The following MACROD2 variants were observed in gnomAD, a reference collection of about 807,000 sequenced individuals.
MACROD2 encodes the protein mono-ADP ribosylhydrolase 2.
In MACROD2, 36 loss-of-function variants were observed where a neutral mutation model predicts 70.4. The observed-to-expected ratio is 0.51, with a 90% CI of 0.39 to 0.68. The LOEUF (loss-of-function observed/expected upper bound fraction) is 0.68. MACROD2 is among the 30% of genes least tolerant of loss of function. The pLI, the probability that MACROD2 is intolerant of heterozygous loss-of-function variation, is 0.00. For missense variants in MACROD2, 496 were observed against 538.4 expected (o/e 0.92, Z 0.78); for synonymous variants, 172 against 178.8 (o/e 0.96, Z 0.30).
At chr20:15,820,502 G>A (rs2063928107) in intron 8 of MACROD2, among the ~76,000 whole-genome samples, 1 of 152,136 alleles carries the variant, frequency 6.6e-6, no homozygotes, top group South Asian at 2.1e-4. Context: ...CCTTCTGCCA[G>A]TTTTTAGTAC....
chr20:14,604,379 T>C (rs573844829), intron 4 of MACROD2, among the ~76,000 whole-genome samples: 1 of 152,314 alleles, frequency 6.6e-6, no homozygotes, highest in Middle Eastern at 3.4e-3. Flanking sequence ...TCACTATTGA[T>C]TTTTTTGCTC....
intron 5 of MACROD2, among the ~76,000 whole-genome samples, chr20:15,081,189 T>TA (rs138058951): frequency 6.6e-6 from 1 of 152,094 alleles, no homozygotes; most frequent in Non-Finnish European, 1.5e-5. Flanking sequence ...AATTTTGTAA[T>TA]AAAAAAATTA....
intron 3 of MACROD2, among the ~76,000 whole-genome samples, chr20:14,394,447 G>C (rs566394096): frequency 7.2e-5 from 11 of 152,076 alleles, no homozygotes; most frequent in Non-Finnish European, 7.4e-5. Flanking sequence ...TTTAAATATT[G>C]CTCTCATAAA....
At chr20:15,896,950 A>T (rs925233660) in intron 10 of MACROD2, among the ~76,000 whole-genome samples, 1 of 152,188 alleles carries the variant, frequency 6.6e-6, no homozygotes, top group Non-Finnish European at 1.5e-5. Context: ...TTTGGAAAAA[A>T]GCCTGATTAG....
intron 8 of MACROD2, among the ~76,000 whole-genome samples, chr20:15,693,388 G>A (rs997527934): frequency 2.0e-5 from 3 of 152,116 alleles, no homozygotes; most frequent in African/African-American, 7.2e-5. Context: ...GTATTTTGCT[G>A]TTTGCTACCT....
intron 3 of MACROD2, among the ~76,000 whole-genome samples, chr20:14,485,558 G>A (rs1044598459): frequency 3.0e-4 from 45 of 151,784 alleles, no homozygotes; most frequent in Admixed American, 1.6e-3. Context: ...AAAATTAGCC[G>A]GGCGTGGTGG....
At chr20:15,506,756 A>C (rs1243807273) in intron 8 of MACROD2, among the ~76,000 whole-genome samples, 2 of 152,198 alleles carry the variant, frequency 1.3e-5, no homozygotes, top group Non-Finnish European at 2.9e-5. Flanking sequence ...TATTATTTAC[A>C]CTTATGCAAA....
At chr20:15,392,003 GTTGT>G (rs2045798904) in intron 6 of MACROD2, among the ~76,000 whole-genome samples, 2 of 152,104 alleles carry the variant, frequency 1.3e-5, no homozygotes, top group South Asian at 2.1e-4. Flanking sequence ...CTTTGTTGTT[GTTGT>G]TTGTTTGTTT....
At chr20:15,504,120 C>T (rs760029554) in intron 8 of MACROD2, among the ~76,000 whole-genome samples, 2 of 152,096 alleles carry the variant, frequency 1.3e-5, no homozygotes, top group African/African-American at 2.4e-5. Flanking sequence ...CATAAATCAC[C>T]GCCAGCTGGT....
chr20:14,288,064 AG>A (rs1208370092), intron 3 of MACROD2, among the ~76,000 whole-genome samples: 1 of 152,088 alleles, frequency 6.6e-6, no homozygotes, highest in Non-Finnish European at 1.5e-5. Context: ...GGATTATACA[AG>A]GTGTGACCAC....
intron 7 of MACROD2, among the ~76,000 whole-genome samples, chr20:15,495,137 CA>C (rs2146482601): frequency 6.6e-6 from 1 of 152,306 alleles, no homozygotes; most frequent in East Asian, 1.9e-4. Context: ...CTTTTGTGAA[CA>C]AAAGTCCCCT....
intron 5 of MACROD2, among the ~76,000 whole-genome samples, chr20:14,856,325 T>C (rs754528003): frequency 6.6e-6 from 1 of 152,200 alleles, no homozygotes; most frequent in African/African-American, 2.4e-5. Flanking sequence ...CGCTGTAAGA[T>C]ATACCTATAT....
At chr20:15,768,646 TG>T (rs1330789830) in intron 8 of MACROD2, among the ~76,000 whole-genome samples, 1 of 152,258 alleles carries the variant, frequency 6.6e-6, no homozygotes, top group African/African-American at 2.4e-5. Context: ...AATTATTTAC[TG>T]TAACACATTT....
At chr20:14,313,601 G>T (rs2082587180) in intron 3 of MACROD2, among the ~76,000 whole-genome samples, 1 of 152,148 alleles carries the variant, frequency 6.6e-6, no homozygotes, top group African/African-American at 2.4e-5. Flanking sequence ...GTGAATTAGT[G>T]CACTTCTTCT....
intron 5 of MACROD2, among the ~76,000 whole-genome samples, chr20:14,874,331 C>T (rs1161954435): frequency 7.6e-6 from 1 of 131,948 alleles, no homozygotes; most frequent in Non-Finnish European, 1.6e-5. Context: ...TATTGAGGTG[C>T]TGTCCTTTTT....
At chr20:15,265,958 G>A (rs111389667) in intron 6 of MACROD2, among the ~76,000 whole-genome samples, 1 of 152,186 alleles carries the variant, frequency 6.6e-6, no homozygotes, top group Non-Finnish European at 1.5e-5. Context: ...CCCTCAGTGT[G>A]TTACATGCAT....
At chr20:14,577,023 C>T (rs1172393425) in intron 4 of MACROD2, among the ~76,000 whole-genome samples, 1 of 152,006 alleles carries the variant, frequency 6.6e-6, no homozygotes, top group Non-Finnish European at 1.5e-5. Flanking sequence ...AGTGAATAGC[C>T]TCATTTGGAG....
intron 8 of MACROD2, among the ~76,000 whole-genome samples, chr20:15,520,182 A>C (rs948071018): frequency 6.6e-6 from 1 of 152,228 alleles, no homozygotes; most frequent in Non-Finnish European, 1.5e-5. Context: ...TATTTTTTTC[A>C]GTTAATGTAG....
At chr20:14,274,464 C>G (rs1665146491) in intron 3 of MACROD2, among the ~76,000 whole-genome samples, 1 of 152,146 alleles carries the variant, frequency 6.6e-6, no homozygotes, top group South Asian at 2.1e-4. Flanking sequence ...GCTAAAAACT[C>G]TCAATAAATT....
Sources: gnomAD v4.1 joint callset for allele counts (sites outside exome capture counted in the v4.1 genomes callset) on GRCh38, gnomAD v4.1.1 for gene constraint, MANE v1.5 for transcripts, NCBI Gene and HGNC (gene_info 2026-07-23, HGNC 2026-07-21) for gene names.